Variants in C12orf50 observed in about 807,000 individuals in gnomAD.
The protein encoded by C12orf50 is uncharacterized protein C12orf50.
In C12orf50, 35 loss-of-function variants were observed where a neutral mutation model predicts 61.6. The ratio of observed to expected loss-of-function variants is 0.57; its 90% CI spans 0.43 to 0.75. C12orf50 has a LOEUF of 0.75. Ranked by LOEUF, C12orf50 falls within the 30% of genes least tolerant of loss-of-function variation. C12orf50 has a pLI of 0.00. For synonymous variants in C12orf50, 178 were observed against 161.5 expected, an observed-to-expected ratio of 1.10 and a Z score of -0.77; for missense variants, 475 against 488.5, an observed-to-expected ratio of 0.97 and a Z score of 0.26.
chr12:87,999,479 G>A lies in C12orf50; in HGVS notation c.134-1289C>T, dbSNP rs187869550. The stretch of plus-strand genomic sequence containing the variant: ...ATGAGATATCACTTCATACTACAAC[G>A]ATTACAATGATTAATTTCTTTACTA... On this transcript the variant is annotated intron_variant, in intron 3 of 12. Coordinates refer to ENST00000298699, the MANE Select transcript of C12orf50 (RefSeq NM_152589.3). 3.8e-4 allele frequency among the ~76,000 whole-genome samples: 58 copies of A among 152,092 alleles called. 1 individual carries two copies. In the East Asian group the frequency reaches 0.01, roughly 26 times the overall value.
intron 1 of C12orf50, chr12:88,029,041 A>G: frequency 8.3e-7 from 1 of 1,209,722 alleles, no homozygotes; most frequent in Admixed American, 2.6e-5. Context: ...AAGCATGTGA[A>G]GTACTGTCAA....
intron 3 of C12orf50, among the ~76,000 whole-genome samples, chr12:88,025,865 T>G (rs537546553): frequency 2.0e-5 from 3 of 152,216 alleles, no homozygotes; most frequent in Non-Finnish European, 4.4e-5. Context: ...GCAAGGTTCT[T>G]ACCATTCACT....
intron 3 of C12orf50, 122 bp from the exon 4 acceptor site, chr12:87,998,312 A>C: frequency 1.5e-6 from 1 of 651,002 alleles, no homozygotes; most frequent in Non-Finnish European, 2.3e-6. Flanking sequence ...CAATAATAAT[A>C]CATTAATGGA....
Position 87,980,248 on chromosome 12 carries a change from A to T in C12orf50, c.*83T>A. 1 of 1,381,982 alleles carries T rather than the reference A, an allele frequency of 7.2e-7. No homozygotes were observed. Among genetic ancestry groups the T allele is most frequent in the East Asian group, 2.3e-5 (1 of 43,634 alleles). The allele number at this position is 1,381,982 out of a possible 1,614,324, so 85.6% of individuals were successfully genotyped here. A position where few individuals can be genotyped will look rare whatever the true frequency, so the allele number is the denominator to read the frequency against. ...ATAACATGGAGTACTTGAGTATCTC[A>T]TTCTTTGAATTTTCATTTTTGATTG... On this transcript the variant is annotated 3_prime_UTR_variant, in exon 13 of 13. Transcript: ENST00000298699.
rs759551805 is a variant in C12orf50, at chr12:87,996,405, C to T, written c.450G>A (p.Lys150=). Residue 150 remains lysine, a synonymous_variant, in exon 6 of 13, where the codon AAG becomes AAA. Transcript: ENST00000298699. ...GCAATTCACTGCCATTTTCCAAAGG[C>T]TTTTCTAACTGTTTTTCTGCTGTAG... ...MTPTAEKQLE[K]PLENGSELQE... The T allele has an allele frequency of 1.9e-6, 3 of 1,613,022 alleles. No individual in the cohort carries two copies. The highest frequency in any genetic ancestry group is 2.5e-6 in the Non-Finnish European group (3 of 1,179,320).
intron 3 of C12orf50, among the ~76,000 whole-genome samples, chr12:88,005,911 G>GTTTTTT (rs1491516748): frequency 9.1e-6 from 1 of 110,032 alleles, no homozygotes; most frequent in African/African-American, 4.0e-5. Context: ...TTGTTTTTTT[G>GTTTTTT]GTTTTTTTTT....
intron 3 of C12orf50, among the ~76,000 whole-genome samples, chr12:88,001,113 T>C (rs1021058811): frequency 6.6e-6 from 1 of 151,844 alleles, no homozygotes; most frequent in South Asian, 2.1e-4. Context: ...TTTCATCAAG[T>C]ATGCTATCAG....
Position 87,998,129 on chromosome 12 carries a change from A to T in C12orf50, c.195T>A (p.Pro65=), listed in dbSNP as rs2031495634. 6.2e-7 allele frequency: 1 copy of T among 1,612,762 alleles called. No homozygotes were observed. The highest frequency in any genetic ancestry group is 1.3e-5 in the African/African-American group (1 of 74,904). The change falls in exon 4 of 13, where the codon CCT becomes CCA. Residue 65 remains proline (P), a synonymous_variant. Transcript: ENST00000298699. ...GTGATATATTTTCCTGAGGTTTCAGAGGTTCTTGACTCTGGGACTGGAGTG... is the reference window on the plus strand; with the variant it reads ...GTGATATATTTTCCTGAGGTTTCAGTGGTTCTTGACTCTGGGACTGGAGTG... The part of the protein sequence containing the change: ...GIPLQSQSQE[P]LKPQENISRP...
intron 3 of C12orf50, among the ~76,000 whole-genome samples, chr12:88,004,128 C>G (rs1776341740): frequency 6.6e-6 from 1 of 151,972 alleles, no homozygotes. Context: ...GTAGTTTTTA[C>G]CCATTGATAG....
rs767744435 is a variant in C12orf50, at chr12:87,989,327, C to T, written c.637G>A (p.Asp213Asn). 37 of 1,611,694 alleles carry T rather than the reference C, an allele frequency of 2.3e-5. No homozygotes were observed. Among genetic ancestry groups the T allele is most frequent in the East Asian group, 1.8e-4 (8 of 44,786 alleles). The change falls in exon 8 of 13, where the codon GAT (aspartate) becomes AAT (asparagine). Residue 213 changes from aspartate to asparagine, a missense_variant. Asp to Asn is a conservative substitution (Grantham distance 23). Coordinates refer to ENST00000298699, the MANE Select transcript of C12orf50 (RefSeq NM_152589.3). ...VPQRVIFLGV[D>N]ESEALTEEKE... is the part of the protein sequence containing the mutation. ...TCTTCAGTTAAAGCTTCACTTTCAT[C>T]GACTCCAAGAAATATGACCCTCTGT... is the stretch of plus-strand genomic sequence containing the variant.
chr12:88,020,626 T>C (rs145249443), intron 3 of C12orf50, among the ~76,000 whole-genome samples: 194 of 152,190 alleles, frequency 1.3e-3, no homozygotes, highest in African/African-American at 4.5e-3. Flanking sequence ...ATTACACAGA[T>C]TGTCAATGCA....
intron 1 of C12orf50, among the ~76,000 whole-genome samples, chr12:88,028,545 T>C (rs1224330320): frequency 6.6e-6 from 1 of 152,178 alleles, no homozygotes; most frequent in Non-Finnish European, 1.5e-5. Flanking sequence ...TTGTTTATAT[T>C]AATTTTCTTT....
intron 3 of C12orf50, among the ~76,000 whole-genome samples, chr12:88,014,323 A>T (rs2032225645): frequency 6.6e-6 from 1 of 151,880 alleles, no homozygotes; most frequent in Non-Finnish European, 1.5e-5. Context: ...TTTTTTAGAG[A>T]CAGAGTCTCG....
At chr12:88,012,890 A>G (rs748892399) in intron 3 of C12orf50, among the ~76,000 whole-genome samples, 1 of 152,006 alleles carries the variant, frequency 6.6e-6, no homozygotes, top group Non-Finnish European at 1.5e-5. Context: ...ATGGTGAGAT[A>G]CCATCTCTAC....
chr12:87,984,313 G>T (rs2030685697), intron 11 of C12orf50: 1 of 152,126 alleles, frequency 6.6e-6, no homozygotes, highest in Admixed American at 6.5e-5. Flanking sequence ...TGAGTAGGTT[G>T]CATGGTGACA....
intron 3 of C12orf50, among the ~76,000 whole-genome samples, chr12:88,020,485 C>T (rs1320212249): frequency 2.0e-5 from 3 of 152,028 alleles, no homozygotes; most frequent in Non-Finnish European, 4.4e-5. Context: ...ACAAGAAGAC[C>T]TTACTATCCT....
chr12:87,984,772 T>C (rs1203550906), intron 11 of C12orf50: 1 of 152,190 alleles, frequency 6.6e-6, no homozygotes, highest in Non-Finnish European at 1.5e-5. Context: ...GCAAAAGCAA[T>C]ATAGAGTATG....
At chr12:87,980,551 A>G (rs1030501748) in intron 12 of C12orf50, among the ~76,000 whole-genome samples, 195 bp from the exon 13 acceptor site, 1 of 152,096 alleles carries the variant, frequency 6.6e-6, no homozygotes, top group African/African-American at 2.4e-5. Context: ...TTGCATTTGG[A>G]TGGAGGGGTG....
At chr12:88,013,474 A>C (rs1479107936) in intron 3 of C12orf50, among the ~76,000 whole-genome samples, 1 of 152,216 alleles carries the variant, frequency 6.6e-6, no homozygotes, top group Non-Finnish European at 1.5e-5. Context: ...AATTCCCTAC[A>C]TATGATAGTC....
Sources: gnomAD v4.1 joint callset for allele counts (sites outside exome capture counted in the v4.1 genomes callset) on GRCh38, gnomAD v4.1.1 for gene constraint, MANE v1.5 for transcripts, NCBI Gene and HGNC (gene_info 2026-07-23, HGNC 2026-07-21) for gene names.